The following LDB1 variants were observed in gnomAD, a reference collection of about 807,000 sequenced individuals.
LDB1 encodes LIM domain-binding protein 1.
LDB1 carries 6 observed loss-of-function variants against 49.7 expected under a neutral mutation model. That is an observed-to-expected ratio of 0.12 (90% CI 0.07 to 0.24). The LOEUF (loss-of-function observed/expected upper bound fraction) is 0.24, where lower values mean the gene tolerates loss of function less well. LDB1 is among the 10% of genes least tolerant of loss of function. LDB1 has a pLI of 1.00. For missense variants in LDB1, 341 were observed against 561.7 expected (o/e 0.61, Z 3.97); for synonymous variants, 233 against 202.0 (o/e 1.15, Z -1.30).
rs2068398293 is a variant in LDB1, at chr10:102,120,164, C to A, written c.-54G>T. The A allele has an allele frequency of 8.1e-7, 1 of 1,232,310 alleles. No homozygotes were observed. The allele number at this position is 1,232,310 out of a possible 1,614,324, so 76.3% of individuals were successfully genotyped here. A position where few individuals can be genotyped will look rare whatever the true frequency, so the allele number is the denominator to read the frequency against. ...GCCGAGTCACGGTGCCCGCCCCTCG[C>A]GGGGACAGGCCGGGCATGAGCCGCC... On this transcript the variant is annotated 5_prime_UTR_variant, in exon 1 of 11. Coordinates refer to ENST00000673968, the MANE Select transcript of LDB1 (RefSeq NM_001113407.3).
At chr10:102,114,812 G>GGGGGCCCCCCCCCCCCCC in intron 1 of LDB1, 242 of 929,712 alleles carry the variant, frequency 2.6e-4, no homozygotes, top group Middle Eastern at 5.5e-4. Flanking sequence ...CCTCCGAGCA[G>GGGGGCCCCCCCCCCCCCC]CCCGCCCGCC....
chr10:102,120,164 C>T lies in LDB1; in HGVS notation c.-54G>A. 8.1e-7 allele frequency: 1 copy of T among 1,232,310 alleles called. No individual in the cohort carries two copies. Among genetic ancestry groups the T allele is most frequent in the Non-Finnish European group, 1.0e-6 (1 of 979,714 alleles). The allele number at this position is 1,232,310 out of a possible 1,614,324, so 76.3% of individuals were successfully genotyped here. On this transcript the variant is annotated 5_prime_UTR_variant, in exon 1 of 11. Transcript: ENST00000673968. The stretch of plus-strand genomic sequence containing the variant: ...GCCGAGTCACGGTGCCCGCCCCTCG[C>T]GGGGACAGGCCGGGCATGAGCCGCC...
chr10:102,105,284 C>T (rs1199459313), downstream of LDB1, among the ~76,000 whole-genome samples: 1 of 152,242 alleles, frequency 6.6e-6, no homozygotes, highest in Non-Finnish European at 1.5e-5. Context: ...AATAGCATTC[C>T]TTGGGGTCCT....
In LDB1 at chr10:102,114,986, C is replaced by T. The variant is rs564991323; in HGVS notation, c.26-3450G>A. The T allele has an allele frequency of 1.9e-5, 7 of 369,758 alleles. No homozygotes were observed. In the South Asian group the frequency reaches 7.7e-4, roughly 40 times the overall value. 22.9% of individuals were successfully genotyped at this position (369,758 alleles called of 1,614,324 possible). A position where few individuals can be genotyped will look rare whatever the true frequency, so the allele number is the denominator to read the frequency against. ...TCCCTCCCTCCCCGCTCGCTCTCTC[C>T]GAGCCTCTCTCAGAATGAGGCCCCA... On this transcript the variant is annotated intron_variant, in intron 1 of 10. Transcript: ENST00000673968.
chr10:102,110,845 A>G lies in LDB1; in HGVS notation c.352+24T>C, dbSNP rs565725803. 4.4e-6 allele frequency: 7 copies of G among 1,603,924 alleles called. No individual in the cohort carries two copies. In the African/African-American group the frequency reaches 9.4e-5, roughly 21 times the overall value. Reference sequence around the variant, plus strand: ...CGACATAGGAGGTATACACCCTCATAGCAAGACCCCAGAGGCCACTTACTA... The same window carrying G: ...CGACATAGGAGGTATACACCCTCATGGCAAGACCCCAGAGGCCACTTACTA... On this transcript the variant is annotated intron_variant, in intron 5 of 10. Transcript: ENST00000673968.
chr10:102,118,940 T>C (rs1411866085), intron 1 of LDB1, among the ~76,000 whole-genome samples: 1 of 152,130 alleles, frequency 6.6e-6, no homozygotes, highest in Non-Finnish European at 1.5e-5. Flanking sequence ...CTCTTATTCC[T>C]CCTTCTGGGA....
intron 1 of LDB1, among the ~76,000 whole-genome samples, chr10:102,116,602 C>T (rs938641899): frequency 6.6e-6 from 1 of 152,126 alleles, no homozygotes; most frequent in African/African-American, 2.4e-5. Context: ...ATACACACAC[C>T]AAAACTGTGT....
chr10:102,110,270 T>C (rs1382912420), intron 6 of LDB1: 6 of 623,174 alleles, frequency 9.6e-6, no homozygotes, highest in South Asian at 4.0e-5. Flanking sequence ...CCTCTCCCCA[T>C]GTGGCTAGTG....
intron 1 of LDB1, 76 bp downstream of exon 1, chr10:102,120,010 C>T: frequency 8.2e-7 from 1 of 1,218,546 alleles, no homozygotes; most frequent in Non-Finnish European, 1.1e-6. Flanking sequence ...CACACAAGTT[C>T]TCGCCAAACA....
At chr10:102,114,638 GC>G in intron 1 of LDB1, 1 of 975,454 alleles carries the variant, frequency 1.0e-6, no homozygotes, top group Non-Finnish European at 1.2e-6. Flanking sequence ...TGGCCACTGG[GC>G]CGGGGGCCGG....
upstream of LDB1, chr10:102,120,559 C>T: frequency 9.3e-6 from 2 of 214,964 alleles, no homozygotes; most frequent in Non-Finnish European, 1.6e-5. Flanking sequence ...AGAGCCGTGT[C>T]AAAGTGACCC....
intron 1 of LDB1, among the ~76,000 whole-genome samples, chr10:102,113,969 A>G (rs1426978644): frequency 1.3e-5 from 2 of 152,168 alleles, no homozygotes; most frequent in Non-Finnish European, 2.9e-5. Context: ...GAGTGAGTAG[A>G]GAAGGGGAGG....
chr10:102,115,941 C>T (rs1437153749), intron 1 of LDB1, among the ~76,000 whole-genome samples: 3 of 152,022 alleles, frequency 2.0e-5, no homozygotes, highest in African/African-American at 7.2e-5. Flanking sequence ...AACACACACA[C>T]ACACACGGGA....
chr10:102,112,119 G>T (rs1049569502), intron 1 of LDB1, among the ~76,000 whole-genome samples: 7 of 152,216 alleles, frequency 4.6e-5, no homozygotes, highest in African/African-American at 1.7e-4. Context: ...GATGACAGAA[G>T]AGGAATTGAA....
intron 1 of LDB1, chr10:102,114,630 G>C: frequency 2.3e-5 from 23 of 983,028 alleles, no homozygotes; most frequent in South Asian, 4.7e-5. Context: ...AGTTACAATG[G>C]CCACTGGGCC....
Position 102,109,214 on chromosome 10 carries a change from C to G in LDB1, c.857-37G>C. The G allele has an allele frequency of 6.2e-7, 1 of 1,612,024 alleles. No individual in the cohort carries two copies. Among genetic ancestry groups the G allele is most frequent in the Non-Finnish European group, 8.5e-7 (1 of 1,179,700 alleles). ...AACGGAGACTCAGATGGGAGAGGGC[C>G]CCAGGTCCCCTATTCTCCATTGTGG... On this transcript the variant is annotated intron_variant, in intron 9 of 10. Transcript: ENST00000673968. This position sits in a 1 kb window ranked among gnomAD's most constrained non-coding sequence, Gnocchi z 5.8.
chr10:102,110,894 G>A lies in LDB1; in HGVS notation c.327C>T (p.Cys109=). The change falls in exon 5 of 11, where the codon TGC becomes TGT. Residue 109 remains cysteine (C), a synonymous_variant. Transcript: ENST00000673968. ...EDDAMLTITF[C]LEDGPKRYTI... ...TATATCTCTTTGGTCCATCCTCCAG[G>A]CAGAAAGTGATGGTCAACATGGCAT... The A allele has an allele frequency of 3.7e-6, 6 of 1,613,988 alleles. No homozygotes were observed. Among genetic ancestry groups the A allele is most frequent in the Non-Finnish European group, 5.1e-6 (6 of 1,179,946 alleles).
At chr10:102,120,779 G>T (rs1359353537), upstream of LDB1, among the ~76,000 whole-genome samples, 1 of 152,168 alleles carries the variant, frequency 6.6e-6, no homozygotes, top group African/African-American at 2.4e-5. Flanking sequence ...CGGATGGGGA[G>T]TCTGGCTGAG....
chr10:102,114,812 G>GGGGCCCCCCC, intron 1 of LDB1: 182 of 929,630 alleles, frequency 2.0e-4, no homozygotes, highest in Middle Eastern at 5.5e-4. Flanking sequence ...CCTCCGAGCA[G>GGGGCCCCCCC]CCCGCCCGCC....
Sources: allele counts gnomAD v4.1 joint callset (sites outside exome capture counted in the v4.1 genomes callset), GRCh38; gene constraint gnomAD v4.1.1; non-coding constraint Gnocchi (gnomAD v3.1); transcripts MANE v1.5; gene names NCBI Gene and HGNC (gene_info 2026-07-23, HGNC 2026-07-21).